Variants in UNC13A observed in about 807,000 individuals in gnomAD.
The protein encoded by UNC13A is unc-13 homolog A.
UNC13A carries 61 observed loss-of-function variants against 219.7 expected under a neutral mutation model. The ratio of observed to expected loss-of-function variants is 0.28; its 90% confidence interval spans 0.23 to 0.34. UNC13A has a LOEUF of 0.34. Among genes scored for constraint, UNC13A ranks in the 10% least tolerant of loss-of-function variants. UNC13A has a pLI of 1.00. For missense variants in UNC13A, 1,476 were observed against 2,270.3 expected (o/e 0.65, Z 7.11); for synonymous variants, 920 against 884.6 (o/e 1.04, Z -0.71).
chr19:17,613,227 G>T (rs766321717), intron 41 of UNC13A, among the ~76,000 whole-genome samples: 33 of 151,336 alleles, frequency 2.2e-4, no homozygotes, highest in Non-Finnish European at 3.8e-4. Flanking sequence ...GAGAGACCCT[G>T]TCTCAAAAAA....
intron 27 of UNC13A, 49 bp downstream of exon 27, chr19:17,633,059 C>T (rs774709005): frequency 1.9e-6 from 3 of 1,609,968 alleles, no homozygotes; most frequent in East Asian, 2.2e-5. Context: ...CACAGAGGTA[C>T]AGCCACCTGG....
chr19:17,647,726 C>G (rs1357238038), intron 16 of UNC13A, among the ~76,000 whole-genome samples: 1 of 151,784 alleles, frequency 6.6e-6, no homozygotes, highest in Non-Finnish European at 1.5e-5. Context: ...CTCTGCCCCG[C>G]ACCCCTTGGA....
intron 1 of UNC13A, among the ~76,000 whole-genome samples, chr19:17,681,558 A>G (rs150382239): frequency 3.2e-4 from 48 of 152,302 alleles, no homozygotes; most frequent in Admixed American, 7.8e-4. Flanking sequence ...AGTGTAAAAA[A>G]CACCAAGAAC....
intron 25 of UNC13A, among the ~76,000 whole-genome samples, chr19:17,637,195 G>C (rs909182808): frequency 6.6e-6 from 1 of 151,874 alleles, no homozygotes; most frequent in Non-Finnish European, 1.5e-5. Context: ...AACTGGTCTC[G>C]AGCTCCTGGC....
At chr19:17,625,918 TATCCATCCATCCATTC>T (rs1030667187) in intron 34 of UNC13A, among the ~76,000 whole-genome samples, 5 of 150,632 alleles carry the variant, frequency 3.3e-5, no homozygotes, top group African/African-American at 1.2e-4. Flanking sequence ...TCTATTGACC[TATCCATCCATCCATTC>T]ATCCATCCAT....
intron 26 of UNC13A, 58 bp downstream of exon 26, chr19:17,635,966 G>C: frequency 6.4e-7 from 1 of 1,551,146 alleles, no homozygotes; most frequent in Non-Finnish European, 8.8e-7. Context: ...AAGACACAAA[G>C]TTGTATACAT....
chr19:17,648,347 C>G (rs1038070887), intron 16 of UNC13A, 84 bp downstream of exon 16: 15 of 1,357,682 alleles, frequency 1.1e-5, no homozygotes, highest in Admixed American at 2.9e-5. Context: ...CACCCATCGC[C>G]TTGCCCTTCA....
At chr19:17,624,991 G>A (rs372275394) in intron 34 of UNC13A, 39 bp from the exon 35 acceptor site, 24 of 1,595,772 alleles carry the variant, frequency 1.5e-5, no homozygotes, top group Admixed American at 5.2e-5. Flanking sequence ...GGCCCAGCTC[G>A]CCCCCACCCA....
chr19:17,662,859 G>A (rs2079575347), intron 8 of UNC13A, among the ~76,000 whole-genome samples: 1 of 151,650 alleles, frequency 6.6e-6, no homozygotes, highest in African/African-American at 2.4e-5. Context: ...GGCAGAGCTT[G>A]CGGTGAGCTG....
At chr19:17,670,006 G>A (rs1378048328) in intron 4 of UNC13A, among the ~76,000 whole-genome samples, 1 of 147,750 alleles carries the variant, frequency 6.8e-6, no homozygotes, top group Non-Finnish European at 1.5e-5. Flanking sequence ...GAGTGCAGTG[G>A]CGCGATCTCG....
intron 35 of UNC13A, 50 bp from the exon 36 acceptor site, chr19:17,623,597 C>T: frequency 9.7e-7 from 1 of 1,027,128 alleles, no homozygotes; most frequent in Admixed American, 2.9e-5. Flanking sequence ...GAATAAGGTA[C>T]CATGAGTCTC....
Position 17,632,915 on chromosome 19 carries a change from A to G in UNC13A, c.3302-7T>C, listed in dbSNP as rs758338849. 6.2e-7 allele frequency: 1 copy of G among 1,613,904 alleles called. No homozygotes were observed. The highest frequency in any genetic ancestry group is 8.5e-7 in the Non-Finnish European group (1 of 1,179,892). ...AGACGATGCTTGTCGTGCTCTGGCC[A>G]GGGACAAAGAGGATGGCACAGCTGG... On this transcript the variant is annotated splice_region_variant and splice_polypyrimidine_tract_variant and intron_variant, in intron 27 of 43. Coordinates refer to ENST00000519716, the MANE Select transcript of UNC13A (RefSeq NM_001080421.3).
intron 25 of UNC13A, among the ~76,000 whole-genome samples, chr19:17,638,829 C>CA (rs568496890): frequency 2.7e-3 from 402 of 146,910 alleles, no homozygotes; most frequent in Admixed American, 5.8e-3. Flanking sequence ...AACTTTATCT[C>CA]AAAAAAAAAA....
intron 42 of UNC13A, among the ~76,000 whole-genome samples, chr19:17,610,720 C>T (rs1034981350): frequency 1.3e-5 from 2 of 152,018 alleles, no homozygotes; most frequent in Admixed American, 1.3e-4. Flanking sequence ...TCTTTGTGAC[C>T]CTATAGTGGA....
chr19:17,621,934 C>T (rs992465433), intron 36 of UNC13A, 64 bp from the exon 37 acceptor site: 1 of 1,547,118 alleles, frequency 6.5e-7, no homozygotes, highest in Non-Finnish European at 8.9e-7. Context: ...AGCTGGGATG[C>T]TCACAGGAAT....
chr19:17,680,166 TC>T (rs901165746), intron 1 of UNC13A, among the ~76,000 whole-genome samples: 112 of 142,098 alleles, frequency 7.9e-4, no homozygotes, highest in Admixed American at 1.9e-3. Context: ...GAGGGTGGTA[TC>T]GGGGGAGAGG....
chr19:17,681,949 T>C (rs1052894799), intron 1 of UNC13A, among the ~76,000 whole-genome samples: 6 of 96,958 alleles, frequency 6.2e-5, no homozygotes, highest in African/African-American at 2.3e-4. Context: ...ACATCATCAT[T>C]GATTTTTTTT....
At chr19:17,635,028 T>G (rs145875510) in intron 26 of UNC13A, among the ~76,000 whole-genome samples, 1,692 of 151,892 alleles carry the variant, frequency 0.011, 40 homozygotes, top group African/African-American at 0.039. Context: ...CCACCACCAC[T>G]CCCGGCTAAT....
chr19:17,660,961 C>T (rs1285823333), intron 8 of UNC13A, among the ~76,000 whole-genome samples: 1 of 152,016 alleles, frequency 6.6e-6, no homozygotes, highest in East Asian at 1.9e-4. Context: ...TTTTTAGAGA[C>T]AGGGTCTCAC....
Sources: gnomAD v4.1 joint callset for allele counts (sites outside exome capture counted in the v4.1 genomes callset) on GRCh38, gnomAD v4.1.1 for gene constraint, MANE v1.5 for transcripts, NCBI Gene and HGNC (gene_info 2026-07-23, HGNC 2026-07-21) for gene names.